Variants in TUB observed in about 807,000 individuals in gnomAD.
TUB encodes TUB bipartite transcription factor, also known as tubby protein homolog.
A neutral mutation model predicts 59.7 loss-of-function variants in TUB; 33 were observed. The ratio of observed to expected loss-of-function variants is 0.55; its 90% CI spans 0.42 to 0.74. The LOEUF is 0.74. Among genes scored for constraint, TUB ranks in the 30% least tolerant of loss-of-function variants. TUB has a pLI of 0.00. For synonymous variants in TUB, 293 were observed against 256.4 expected, an observed-to-expected ratio of 1.14 and a Z score of -1.36; for missense variants, 659 against 672.0, an observed-to-expected ratio of 0.98 and a Z score of 0.21.
At chr11:8,073,926 A>T (rs550704723) in intron 2 of TUB, among the ~76,000 whole-genome samples, 1 of 136,314 alleles carries the variant, frequency 7.3e-6, no homozygotes, top group African/African-American at 2.8e-5. Flanking sequence ...GTAGTTCAGC[A>T]TCATCCTTCC....
At chr11:8,061,609 G>T (rs75112865) in intron 2 of TUB, among the ~76,000 whole-genome samples, 2,314 of 152,178 alleles carry the variant, frequency 0.015, 72 homozygotes, top group African/African-American at 0.052. Flanking sequence ...GCTCAGAGGG[G>T]ACAGAGATCT....
rs1943557378 is a variant in TUB at position 8,081,336 on chromosome 11, G to T, written c.-175G>T. On this transcript the variant is annotated 5_prime_UTR_variant, in exon 1 of 12. Transcript: ENST00000299506. ...GCCTCGCCGCGCCGCGCAGGCAGCC[G>T]CTCGCAGAGCCAGCAGCCGGGGCCC... 2 of 982,518 alleles carry T rather than the reference G, an allele frequency of 2.0e-6. No homozygotes were observed. Among genetic ancestry groups the T allele is most frequent in the Admixed American group, 6.2e-5 (1 of 16,194 alleles). 60.9% of individuals were successfully genotyped at this position (982,518 alleles called of 1,614,324 possible).
Position 8,095,668 on chromosome 11 carries a change from G to T in TUB, c.565+3G>T. 5.0e-6 allele frequency: 8 copies of T among 1,592,370 alleles called. No individual in the cohort carries two copies. The highest frequency in any genetic ancestry group is 6.8e-6 in the Non-Finnish European group (8 of 1,169,510). ...CCGTGCCACGATGCAGAGGAAGGGT[G>T]AGCCCCATGGGGACCCAGTGATACC... On this transcript the variant is annotated splice_donor_region_variant and intron_variant, in intron 5 of 11. Coordinates refer to ENST00000299506, the MANE Select transcript of TUB (RefSeq NM_177972.3).
intron 2 of TUB, among the ~76,000 whole-genome samples, chr11:8,045,355 G>A (rs1435485981): frequency 6.6e-6 from 1 of 152,184 alleles, no homozygotes; most frequent in Non-Finnish European, 1.5e-5. Context: ...TGTGTGCACT[G>A]GTGATTGATT....
chr11:8,046,936 T>A (rs1363164169), intron 2 of TUB, among the ~76,000 whole-genome samples: 1 of 152,112 alleles, frequency 6.6e-6, no homozygotes, highest in Non-Finnish European at 1.5e-5. Context: ...TCGCAAAAAA[T>A]TTTCATAATA....
intron 1 of TUB, 119 bp from the exon 2 acceptor site, chr11:8,089,491 A>C: frequency 8.3e-7 from 1 of 1,205,294 alleles, no homozygotes; most frequent in Non-Finnish European, 1.2e-6. Context: ...GGGCTCACTG[A>C]GTCCCAGCAG....
At position 8,105,762 on chromosome 11, in the gene TUB, T is replaced by G. The variant is rs1258108790; in HGVS notation, c.*4143T>G. On this transcript the variant is annotated 3_prime_UTR_variant, in exon 12 of 12. Coordinates refer to ENST00000299506, the MANE Select transcript of TUB (RefSeq NM_177972.3). The stretch of plus-strand genomic sequence containing the variant: ...CTTTTTTTCTTTCCTAAGAAAGACA[T>G]CACATCCCTCTCCTCTCCTCCTCTG... 6.6e-6 allele frequency: 1 copy of G among 152,220 alleles called. No individual in the cohort carries two copies. The highest frequency in any genetic ancestry group is 1.5e-5 in the Non-Finnish European group (1 of 68,044). 9.4% of individuals were successfully genotyped at this position (152,220 alleles called of 1,614,324 possible).
At chr11:8,053,086 T>G (rs148837116) in intron 2 of TUB, among the ~76,000 whole-genome samples, 282 of 152,352 alleles carry the variant, frequency 1.9e-3, no homozygotes, top group African/African-American at 6.4e-3. Context: ...AAATTTCTTT[T>G]AACCAAAAAT....
chr11:8,056,111 C>T (rs1366048288), intron 2 of TUB, among the ~76,000 whole-genome samples: 1 of 152,180 alleles, frequency 6.6e-6, no homozygotes, highest in Non-Finnish European at 1.5e-5. Context: ...AGGTGTTTAG[C>T]CAACAGTTCT....
At chr11:8,093,926 G>A in intron 3 of TUB, 120 bp from the exon 4 acceptor site, 2 of 1,151,836 alleles carry the variant, frequency 1.7e-6, no homozygotes, top group Non-Finnish European at 2.5e-6. Flanking sequence ...TGGTACAGGG[G>A]CCCTGGTGGG....
chr11:8,031,292 C>G (rs774604408), intron 1 of TUB, among the ~76,000 whole-genome samples: 1 of 152,200 alleles, frequency 6.6e-6, no homozygotes. Context: ...GGAAGGAGGT[C>G]AGGTACACTG....
intron 3 of TUB, among the ~76,000 whole-genome samples, chr11:8,091,686 CTACTT>C (rs948201525): frequency 6.6e-6 from 1 of 152,120 alleles, no homozygotes; most frequent in African/African-American, 2.4e-5. Context: ...TGCCTGTACT[CTACTT>C]GAGAGGCCTT....
chr11:8,050,371 A>G (rs1398625526), intron 2 of TUB, among the ~76,000 whole-genome samples: 1 of 152,186 alleles, frequency 6.6e-6, no homozygotes, highest in African/African-American at 2.4e-5. Context: ...GCTGAATCTT[A>G]TGTTCCATTC....
exon 1 of TUB, chr11:8,038,713 A>T (rs555146937): frequency 6.8e-7 from 1 of 1,480,024 alleles, no homozygotes. Flanking sequence ...TTAATGGGTG[A>T]TGGTGGTTGT....
chr11:8,097,611 G>A lies in TUB; in HGVS notation c.886-103G>A, dbSNP rs138247137. The A allele has an allele frequency of 2.4e-4, 310 of 1,302,834 alleles. 1 individual carries two copies. In the East Asian group the frequency reaches 4.1e-3, roughly 17 times the overall value. 80.7% of individuals were successfully genotyped at this position (1,302,834 alleles called of 1,614,324 possible). ...CATTTGTGTGTGTGCACATATGTGCGTTTGGGAGCTGACGCAACGGAGAGA... is the reference window on the plus strand; with the variant it reads ...CATTTGTGTGTGTGCACATATGTGCATTTGGGAGCTGACGCAACGGAGAGA... On this transcript the variant is annotated intron_variant, in intron 7 of 11. Transcript: ENST00000299506.
chr11:8,089,832 G>A (rs765317772), intron 2 of TUB, among the ~76,000 whole-genome samples, 171 bp downstream of exon 2: 6 of 152,374 alleles, frequency 3.9e-5, no homozygotes, highest in South Asian at 4.1e-4. Context: ...ACCCTGCCGC[G>A]GCACATGGGC....
chr11:8,100,580 A>G lies in TUB; in HGVS notation c.1194A>G (p.Arg398=). The G allele has an allele frequency of 6.2e-7, 1 of 1,614,090 alleles. No homozygotes were observed. Among genetic ancestry groups the G allele is most frequent in the Non-Finnish European group, 8.5e-7 (1 of 1,179,990 alleles). ...IVPGMNMVHE[R]VSIRPRNEHE... The stretch of plus-strand genomic sequence containing the variant: ...CAGGCATGAACATGGTTCATGAGAG[A>G]GTCTCTATCCGCCCCCGCAACGTGA... The change falls in exon 10 of 12, where the codon AGA becomes AGG. Residue 398 remains arginine (R), a synonymous_variant. Coordinates refer to ENST00000299506, the MANE Select transcript of TUB (RefSeq NM_177972.3).
At chr11:8,025,098 A>G (rs1942483062) in intron 1 of TUB, among the ~76,000 whole-genome samples, 1 of 152,274 alleles carries the variant, frequency 6.6e-6, no homozygotes. Context: ...AGAATGAAAC[A>G]AAGTCTGTGG....
chr11:8,095,622 A>T lies in TUB; in HGVS notation c.522A>T (p.Glu174Asp). The T allele has an allele frequency of 6.2e-7, 1 of 1,610,918 alleles. No homozygotes were observed. Among genetic ancestry groups the T allele is most frequent in the Non-Finnish European group, 8.5e-7 (1 of 1,178,992 alleles). Reference sequence around the variant, plus strand: ...GGGAGACGGCAGCTGGTGGGGGCGAACGGCCCAGCGGGCAGGATCTCCGTG... The same window carrying T: ...GGGAGACGGCAGCTGGTGGGGGCGATCGGCCCAGCGGGCAGGATCTCCGTG... ...DAGETAAGGG[E>D]RPSGQDLRAT... is the part of the protein sequence containing the mutation. Residue 174 changes from glutamate to aspartate, a missense_variant, in exon 5 of 12, where the codon GAA becomes GAT. Physicochemically the swap from Glu to Asp is conservative, Grantham distance 45. This residue lies in a region of TUB where 321 missense variants were observed against 304.3 expected (regional missense o/e 1.05). Transcript: ENST00000299506.
Sources: allele counts gnomAD v4.1 joint callset (sites outside exome capture counted in the v4.1 genomes callset), GRCh38; gene constraint gnomAD v4.1.1; regional missense constraint gnomAD v4.1.1; transcripts MANE v1.5; gene names NCBI Gene and HGNC (gene_info 2026-07-23, HGNC 2026-07-21).